Variants in DNAH1 observed in about 807,000 individuals in gnomAD.
The protein encoded by DNAH1 is dynein axonemal heavy chain 1.
In DNAH1, 327 loss-of-function variants were observed where a neutral mutation model predicts 484.3. The ratio of observed to expected loss-of-function variants is 0.68; its 90% CI spans 0.62 to 0.74. The LOEUF (loss-of-function observed/expected upper bound fraction) is 0.74. Among genes scored for constraint, DNAH1 ranks in the 30% least tolerant of loss-of-function variants. The pLI, the probability that DNAH1 is intolerant of heterozygous loss-of-function variation, is 0.00. For missense variants in DNAH1, 5,052 were observed against 5,546.8 expected (o/e 0.91, Z 2.83); for synonymous variants, 2,192 against 2,191.9 (o/e 1.00, Z 0.00).
chr3:52,333,577 G>A (rs1701631432), intron 8 of DNAH1, among the ~76,000 whole-genome samples: 1 of 151,930 alleles, frequency 6.6e-6, no homozygotes, highest in Non-Finnish European at 1.5e-5. Context: ...TAGTAGAGAT[G>A]AGATTTCACC....
intron 44 of DNAH1, 43 bp downstream of exon 44, chr3:52,373,096 G>T (rs1332571163): frequency 1.9e-6 from 3 of 1,576,452 alleles, no homozygotes; most frequent in African/African-American, 2.7e-5. Context: ...GGCTACGCGT[G>T]CTGTGCAGGG....
Position 52,327,871 on chromosome 3 carries a change from C to G in DNAH1, c.739-11C>G. The G allele has an allele frequency of 6.2e-7, 1 of 1,612,472 alleles. No homozygotes were observed. Among genetic ancestry groups the G allele is most frequent in the Non-Finnish European group, 8.5e-7 (1 of 1,178,590 alleles). On this transcript the variant is annotated splice_polypyrimidine_tract_variant and intron_variant, in intron 5 of 77. Transcript: ENST00000420323. ...GCTGCTTCTTCCCAATGTTGGCCTG[C>G]TTTCTTCCAGGTATTTGACAATGAG...
Position 52,355,121 on chromosome 3 carries a change from C to A in DNAH1, c.3693+66C>A. The A allele has an allele frequency of 6.7e-7, 1 of 1,488,280 alleles. No individual in the cohort carries two copies. The highest frequency in any genetic ancestry group is 9.3e-7 in the Non-Finnish European group (1 of 1,076,480). The allele number at this position is 1,488,280 out of a possible 1,614,324, so 92.2% of individuals were successfully genotyped here. On this transcript the variant is annotated intron_variant, in intron 21 of 77. Coordinates refer to ENST00000420323, the MANE Select transcript of DNAH1 (RefSeq NM_015512.5). The surrounding 1 kb of genome is among the most constrained non-coding windows in gnomAD (Gnocchi z 4.5). ...TTCAGAGAGCCCGACCCACAGGTGT[C>A]ACTGATGGTCTCCGGGTGGGGTTCA...
At chr3:52,342,634 C>G (rs2153223614) in intron 8 of DNAH1, among the ~76,000 whole-genome samples, 1 of 152,282 alleles carries the variant, frequency 6.6e-6, no homozygotes, top group Admixed American at 6.5e-5. Context: ...ACCCTCAGGC[C>G]CAGTCATGGT....
At chr3:52,397,312 G>A (rs1559576722) in intron 73 of DNAH1, among the ~76,000 whole-genome samples, 1 of 152,110 alleles carries the variant, frequency 6.6e-6, no homozygotes, top group Non-Finnish European at 1.5e-5. Context: ...GCTCCTCCAA[G>A]GCAGTAACCA....
rs555047992 is a variant in DNAH1 at position 52,353,817 on chromosome 3, C to T, written c.3480+184C>T. The T allele has an allele frequency of 1.8e-5, 14 of 784,720 alleles. No homozygotes were observed. Among genetic ancestry groups the T allele is most frequent in the African/African-American group, 1.7e-4 (10 of 57,694 alleles). The allele number at this position is 784,720 out of a possible 1,614,324, so 48.6% of individuals were successfully genotyped here. ...TTAATAATGCACATAAAATTCTTGA[C>T]AGTGTCCACCATTGCTATTATTTTT... On this transcript the variant is annotated intron_variant, in intron 20 of 77. Coordinates refer to ENST00000420323, the MANE Select transcript of DNAH1 (RefSeq NM_015512.5). The surrounding 1 kb of genome is among the most constrained non-coding windows in gnomAD (Gnocchi z 5.0).
At position 52,392,355 on chromosome 3, in the gene DNAH1, G is replaced by T. The variant is rs930536945; in HGVS notation, c.10053-109G>T. On this transcript the variant is annotated intron_variant, in intron 63 of 77. Transcript: ENST00000420323. ...CTCCTAGGCCAACACTGGCAAGGAT[G>T]CTGGGCTCTTGGAGCCCCAGAAGCA... is the stretch of plus-strand genomic sequence containing the variant. 1.6e-5 allele frequency: 16 copies of T among 980,224 alleles called. No individual in the cohort carries two copies. The African/African-American group carries it at 2.6e-4, about 16-fold the overall frequency. The allele number at this position is 980,224 out of a possible 1,614,324, so 60.7% of individuals were successfully genotyped here.
Position 52,352,211 on chromosome 3 carries a change from A to G in DNAH1, c.2871+108A>G, listed in dbSNP as rs910707141. 1.8e-5 allele frequency: 25 copies of G among 1,426,866 alleles called. No individual in the cohort carries two copies. In the African/African-American group the frequency reaches 3.0e-4, roughly 17 times the overall value. 88.4% of individuals were successfully genotyped at this position (1,426,866 alleles called of 1,614,324 possible). ...TGCATTCAGGAGGTGCTGAGTCAACATGTGATGGGCGGGCAGATGGATGAA... is the reference window on the plus strand; with the variant it reads ...TGCATTCAGGAGGTGCTGAGTCAACGTGTGATGGGCGGGCAGATGGATGAA... On this transcript the variant is annotated intron_variant, in intron 17 of 77. Transcript: ENST00000420323.
Position 52,349,331 on chromosome 3 carries a change from G to A in DNAH1, c.2437G>A (p.Val813Ile). ...IGPFYINTDN[V>I]KQSLSKKRKA... is the part of the protein sequence containing the mutation. ...GCCTTTCTACATCAACACCGACAAT[G>A]TCAAGCAGAGCCTGTCCAAGAAACG... Residue 813 changes from valine (V) to isoleucine (I), a missense_variant, in exon 14 of 78, where the codon GTC becomes ATC. Val to Ile is a conservative substitution (Grantham distance 29, BLOSUM62 3). This residue lies in a region of DNAH1 where 1,263 missense variants were observed against 1,218.8 expected (regional missense o/e 1.04). Coordinates refer to ENST00000420323, the MANE Select transcript of DNAH1 (RefSeq NM_015512.5). 6.2e-7 allele frequency: 1 copy of A among 1,614,006 alleles called. No homozygotes were observed. The highest frequency in any genetic ancestry group is 8.5e-7 in the Non-Finnish European group (1 of 1,179,898).
intron 20 of DNAH1, 30 bp from the exon 21 acceptor site, chr3:52,354,813 G>C: frequency 1.2e-6 from 2 of 1,609,722 alleles, no homozygotes; most frequent in Non-Finnish European, 1.7e-6. Context: ...GCCCCTCCCA[G>C]GACTCAGCCT....
At position 52,384,931 on chromosome 3, in the gene DNAH1, T is replaced by C. The variant is rs1704033293; in HGVS notation, c.8468T>C (p.Leu2823Pro). ...TCCATCCTCATCGGGCAGAAGAAAC[T>C]GGAGCTGAAAACTGCCAAGAACCGC... ...IFSILIGQKK[L>P]ELKTAKNRMK... The change falls in exon 53 of 78, where the codon CTG becomes CCG. Residue 2823 changes from leucine to proline, a missense_variant. Leu to Pro is a moderately conservative substitution (Grantham distance 98). Around this residue, in one of 4 missense-constraint regions of DNAH1, gnomAD observed 2,929 missense variants for 3,409.4 expected, o/e 0.86. Coordinates refer to ENST00000420323, the MANE Select transcript of DNAH1 (RefSeq NM_015512.5). 1 of 1,613,622 alleles carries C rather than the reference T, an allele frequency of 6.2e-7. No individual in the cohort carries two copies. Among genetic ancestry groups the C allele is most frequent in the Non-Finnish European group, 8.5e-7 (1 of 1,179,756 alleles).
intron 44 of DNAH1, chr3:52,373,673 A>G: frequency 1.4e-6 from 2 of 1,400,560 alleles, no homozygotes; most frequent in South Asian, 2.3e-5. Context: ...CTGCTGATCA[A>G]AAGAAGTTTT....
At position 52,355,313 on chromosome 3, in the gene DNAH1, G is replaced by T. The variant is rs1307394853; in HGVS notation, c.3693+258G>T. Among the ~76,000 whole-genome samples the T allele has an allele frequency of 6.6e-6, 1 of 152,214 alleles. No individual in the cohort carries two copies. Among genetic ancestry groups the T allele is most frequent in the Non-Finnish European group, 1.5e-5 (1 of 68,028 alleles). On this transcript the variant is annotated intron_variant, in intron 21 of 77. Coordinates refer to ENST00000420323, the MANE Select transcript of DNAH1 (RefSeq NM_015512.5). This position sits in a 1 kb window ranked among gnomAD's most constrained non-coding sequence, Gnocchi z 4.5. ...AGGGGCAGCATTTGGGTCCCAAAATGTGGTTGAGGATAGGCCTGAGAACTG... is the reference window on the plus strand; with the variant it reads ...AGGGGCAGCATTTGGGTCCCAAAATTTGGTTGAGGATAGGCCTGAGAACTG...
chr3:52,316,375 G>A lies in DNAH1; in HGVS notation c.-205G>A, dbSNP rs923425342. 1 of 152,336 alleles carries A rather than the reference G, an allele frequency of 6.6e-6. No individual in the cohort carries two copies. The highest frequency in any genetic ancestry group is 2.4e-5 in the African/African-American group (1 of 41,450). 9.4% of individuals were successfully genotyped at this position (152,336 alleles called of 1,614,324 possible). ...GAGCAGCCAGACTGCCCTAAACAGG[G>A]CTATGGAGTCCTTGTCCCTTCTAAG... is the stretch of plus-strand genomic sequence containing the variant. On this transcript the variant is annotated 5_prime_UTR_variant, in exon 1 of 78. Coordinates refer to ENST00000420323, the MANE Select transcript of DNAH1 (RefSeq NM_015512.5).
intron 10 of DNAH1, among the ~76,000 whole-genome samples, chr3:52,346,188 GTC>G (rs1578110840): frequency 6.6e-6 from 1 of 152,070 alleles, no homozygotes; most frequent in East Asian, 1.9e-4. Context: ...CAATCTCTGG[GTC>G]TCTGTCTCTC....
At chr3:52,382,553 T>C in intron 50 of DNAH1, 98 bp downstream of exon 50, 1 of 1,538,004 alleles carries the variant, frequency 6.5e-7, no homozygotes, top group South Asian at 1.2e-5. Context: ...CATGCCCAGC[T>C]CACAGTCAGG....
rs954766558 is a variant in DNAH1 at position 52,353,996 on chromosome 3, C to T, written c.3480+363C>T. Among the ~76,000 whole-genome samples the T allele has an allele frequency of 6.6e-6, 1 of 151,984 alleles. No individual in the cohort carries two copies. The highest frequency in any genetic ancestry group is 1.5e-5 in the Non-Finnish European group (1 of 67,988). On this transcript the variant is annotated intron_variant, in intron 20 of 77. Coordinates refer to ENST00000420323, the MANE Select transcript of DNAH1 (RefSeq NM_015512.5). This position sits in a 1 kb window ranked among gnomAD's most constrained non-coding sequence, Gnocchi z 5.0. ...TCGCTTGAGCCCAGGAGTTTGAGAC[C>T]AGTCTGGGCAACATAGGGAGACCCC... is the stretch of plus-strand genomic sequence containing the variant.
At chr3:52,354,798 G>T in intron 20 of DNAH1, 45 bp from the exon 21 acceptor site, 1 of 1,599,560 alleles carries the variant, frequency 6.3e-7, no homozygotes, top group East Asian at 2.2e-5. Context: ...ACAGCATCAG[G>T]ACCAGCCCCT....
At chr3:52,317,136 A>G (rs1700975964) in intron 1 of DNAH1, among the ~76,000 whole-genome samples, 1 of 152,208 alleles carries the variant, frequency 6.6e-6, no homozygotes. Flanking sequence ...ATTGTAGCGG[A>G]CATTCTGACG....
Sources: gnomAD v4.1 joint callset for allele counts (sites outside exome capture counted in the v4.1 genomes callset) on GRCh38, gnomAD v4.1.1 for gene constraint, gnomAD v4.1.1 regional missense constraint, Gnocchi (gnomAD v3.1) non-coding constraint, MANE v1.5 for transcripts, NCBI Gene and HGNC (gene_info 2026-07-23, HGNC 2026-07-21) for gene names.